ZC3H12C: variants seen among roughly 807,000 people sequenced by gnomAD.
ZC3H12C encodes zinc finger CCCH-type containing 12C, also known as probable ribonuclease ZC3H12C.
In ZC3H12C, 20 loss-of-function variants were observed where a neutral mutation model predicts 76.3. The ratio of observed to expected loss-of-function variants is 0.26; its 90% CI spans 0.18 to 0.38. ZC3H12C has a LOEUF of 0.38. ZC3H12C is among the 10% of genes least tolerant of loss of function. ZC3H12C has a pLI of 1.00. For missense variants in ZC3H12C, 874 were observed against 1,086.5 expected, an observed-to-expected ratio of 0.80 and a Z score of 2.75; for synonymous variants, 352 against 399.6, an observed-to-expected ratio of 0.88 and a Z score of 1.42.
intron 1 of ZC3H12C, among the ~76,000 whole-genome samples, chr11:110,133,993 T>TAAAAGA (rs1490086126): frequency 1.3e-5 from 2 of 152,264 alleles, no homozygotes; most frequent in East Asian, 1.9e-4. Flanking sequence ...TTGTCTGGTG[T>TAAAAGA]AAAAGAAAAA....
chr11:110,111,771 G>C (rs868646722), intron 1 of ZC3H12C, among the ~76,000 whole-genome samples: 4 of 149,980 alleles, frequency 2.7e-5, no homozygotes, highest in African/African-American at 9.9e-5. Context: ...TCAAATTCCT[G>C]GGCTCAAGCC....
At chr11:110,119,789 C>T (rs948250406) in intron 1 of ZC3H12C, among the ~76,000 whole-genome samples, 3 of 152,134 alleles carry the variant, frequency 2.0e-5, no homozygotes, top group Admixed American at 6.5e-5. Flanking sequence ...AGAGTGATAG[C>T]GGGGCGAAGG....
At chr11:110,136,381 A>C in intron 1 of ZC3H12C, 1 of 312,730 alleles carries the variant, frequency 3.2e-6, no homozygotes, top group South Asian at 6.3e-5. Flanking sequence ...TAGTGGGAAA[A>C]GCATGGGTTT....
At chr11:110,140,525 A>G (rs1862050713) in intron 2 of ZC3H12C, among the ~76,000 whole-genome samples, 1 of 152,210 alleles carries the variant, frequency 6.6e-6, no homozygotes, top group South Asian at 2.1e-4. Flanking sequence ...CCTCCACATC[A>G]TGCCATAGCA....
chr11:110,133,357 G>T (rs184460736), intron 1 of ZC3H12C, among the ~76,000 whole-genome samples: 14 of 152,212 alleles, frequency 9.2e-5, no homozygotes, highest in Admixed American at 7.8e-4. Flanking sequence ...GTTTTGCAAG[G>T]ACTAAAAATC....
In ZC3H12C at chr11:110,105,920, T is replaced by C. The variant is rs117838434; in HGVS notation, c.21+12488T>C. Among the ~76,000 whole-genome samples the C allele has an allele frequency of 8.6e-3, 1,303 of 152,314 alleles. 4 individuals are homozygous for C. The highest frequency in any genetic ancestry group is 0.014 in the Non-Finnish European group (983 of 68,024). Reference sequence around the variant, plus strand: ...ATGTATATATAGGTCTGTTTAACATTATTGAATATATTTTTAACAAATTCC... The same window carrying C: ...ATGTATATATAGGTCTGTTTAACATCATTGAATATATTTTTAACAAATTCC... On this transcript the variant is annotated intron_variant, in intron 1 of 5. Transcript: ENST00000278590.
In ZC3H12C at chr11:110,165,722, C is replaced by T; in HGVS notation, c.2637C>T (p.Ser879=). 1.9e-6 allele frequency: 3 copies of T among 1,581,626 alleles called. No homozygotes were observed. The highest frequency in any genetic ancestry group is 2.6e-6 in the Non-Finnish European group (3 of 1,162,822). ...CCGCAGCCATTTTAGTGGAGAAATC[C>T]CAGCTGGGTTATTGAAAGATGATGC... ...QLAAAILVEK[S]QLGY The change falls in exon 6 of 6, where the codon TCC becomes TCT. Residue 879 remains serine, a synonymous_variant. Transcript: ENST00000278590.
At chr11:110,127,855 C>T (rs899375854) in intron 1 of ZC3H12C, among the ~76,000 whole-genome samples, 11 of 149,724 alleles carry the variant, frequency 7.3e-5, no homozygotes, top group Non-Finnish European at 1.3e-4. Flanking sequence ...GAGATTGTGC[C>T]ACTGTACTCC....
Position 110,169,583 on chromosome 11 carries a change from A to G in ZC3H12C, c.*3846A>G, listed in dbSNP as rs1862640406. 1 of 152,160 alleles carries G rather than the reference A, an allele frequency of 6.6e-6. No individual in the cohort carries two copies. Among genetic ancestry groups the G allele is most frequent in the African/African-American group, 2.4e-5 (1 of 41,440 alleles). The allele number at this position is 152,160 out of a possible 1,614,324, so 9.4% of individuals were successfully genotyped here. A position where few individuals can be genotyped will look rare whatever the true frequency, so the allele number is the denominator to read the frequency against. ...CTGGAGAATTCCCACGTGACCTGAA[A>G]TCAAACAGATTCTGGCTGGACATAT... On this transcript the variant is annotated 3_prime_UTR_variant, in exon 6 of 6. Transcript: ENST00000278590.
intron 1 of ZC3H12C, among the ~76,000 whole-genome samples, chr11:110,133,692 T>C (rs1411419021): frequency 6.6e-6 from 1 of 152,184 alleles, no homozygotes; most frequent in East Asian, 1.9e-4. Context: ...TGTGATTTAG[T>C]TATTAAAAAA....
At chr11:110,118,074 T>C (rs201379817) in intron 1 of ZC3H12C, among the ~76,000 whole-genome samples, 721 of 48,536 alleles carry the variant, frequency 0.015, 6 homozygotes, top group East Asian at 0.092. Context: ...CACACACACA[T>C]ATATATTATA....
At chr11:110,104,346 G>A (rs2134147129) in intron 1 of ZC3H12C, among the ~76,000 whole-genome samples, 1 of 152,242 alleles carries the variant, frequency 6.6e-6, no homozygotes, top group South Asian at 2.1e-4. Flanking sequence ...ATTAAGGAGT[G>A]AGCCACCGCA....
intron 2 of ZC3H12C, among the ~76,000 whole-genome samples, chr11:110,147,374 T>C (rs545795216): frequency 1.3e-5 from 2 of 151,800 alleles, no homozygotes; most frequent in African/African-American, 4.8e-5. Flanking sequence ...TTTCTTCCAT[T>C]GAGATGAAAA....
intron 4 of ZC3H12C, among the ~76,000 whole-genome samples, chr11:110,160,837 T>C (rs528902549): frequency 6.6e-6 from 1 of 152,152 alleles, no homozygotes; most frequent in South Asian, 2.1e-4. Flanking sequence ...TTTGTTTTCT[T>C]TTGTTTTTTT....
Position 110,171,487 on chromosome 11 carries a change from TC to T in ZC3H12C, c.*5752del, listed in dbSNP as rs1288797436. 6.6e-6 allele frequency: 1 copy of T among 152,254 alleles called. No homozygotes were observed. The highest frequency in any genetic ancestry group is 1.9e-4 in the East Asian group (1 of 5,200). The allele number at this position is 152,254 out of a possible 1,614,324, so 9.4% of individuals were successfully genotyped here. A position where few individuals can be genotyped will look rare whatever the true frequency, so the allele number is the denominator to read the frequency against. The stretch of plus-strand genomic sequence containing the variant: ...TGATAAACTAGTGTGATTGTATTTA[TC>T]CTCTGTTCTGTGTATTTCTGTAATG... On this transcript the variant is annotated 3_prime_UTR_variant, in exon 6 of 6. Coordinates refer to ENST00000278590, the MANE Select transcript of ZC3H12C (RefSeq NM_033390.2).
intron 2 of ZC3H12C, among the ~76,000 whole-genome samples, chr11:110,148,497 G>A (rs1673468126): frequency 6.6e-6 from 1 of 152,028 alleles, no homozygotes; most frequent in Admixed American, 6.5e-5. Context: ...ATTTTCCCTG[G>A]GAACCAAATC....
Position 110,169,246 on chromosome 11 carries a change from C to A in ZC3H12C, c.*3509C>A, listed in dbSNP as rs908980805. On this transcript the variant is annotated 3_prime_UTR_variant, in exon 6 of 6. Coordinates refer to ENST00000278590, the MANE Select transcript of ZC3H12C (RefSeq NM_033390.2). ...TATTTAACATGTCTTATGGATGTAT[C>A]TATATGTATATAGACAGTAATATAT... is the stretch of plus-strand genomic sequence containing the variant. 3 of 151,516 alleles carry A rather than the reference C, an allele frequency of 2.0e-5. No homozygotes were observed. The highest frequency in any genetic ancestry group is 7.3e-5 in the African/African-American group (3 of 41,192). The allele number at this position is 151,516 out of a possible 1,614,324, so 9.4% of individuals were successfully genotyped here. A position where few individuals can be genotyped will look rare whatever the true frequency, so the allele number is the denominator to read the frequency against.
At chr11:110,130,902 G>A (rs1267760865) in intron 1 of ZC3H12C, 2 of 856,566 alleles carry the variant, frequency 2.3e-6, no homozygotes, top group Non-Finnish European at 3.6e-6. Flanking sequence ...TCTTGCATCT[G>A]CCCGGCCAAC....
At chr11:110,114,822 G>A (rs547280943) in intron 1 of ZC3H12C, among the ~76,000 whole-genome samples, 2 of 152,008 alleles carry the variant, frequency 1.3e-5, no homozygotes, top group African/African-American at 2.4e-5. Flanking sequence ...TTACACAAAC[G>A]ATTTTTAGTT....
Sources: gnomAD v4.1 joint callset for allele counts (sites outside exome capture counted in the v4.1 genomes callset) on GRCh38, gnomAD v4.1.1 for gene constraint, MANE v1.5 for transcripts, NCBI Gene and HGNC (gene_info 2026-07-23, HGNC 2026-07-21) for gene names.